ZNF420: variants seen among roughly 807,000 people sequenced by gnomAD.
The protein encoded by ZNF420 is zinc finger protein 420.
A neutral mutation model predicts 44.7 loss-of-function variants in ZNF420; 31 were observed. That is an observed-to-expected ratio of 0.69 (90% confidence interval 0.52 to 0.94). The LOEUF (loss-of-function observed/expected upper bound fraction) is 0.94, where lower values mean the gene tolerates loss of function less well. Among genes scored for constraint, ZNF420 ranks in the 40% least tolerant of loss-of-function variants. The pLI, the probability that ZNF420 is intolerant of heterozygous loss-of-function variation, is 0.00. For missense variants in ZNF420, 681 were observed against 827.9 expected, an observed-to-expected ratio of 0.82 and a Z score of 2.18; for synonymous variants, 245 against 267.4, an observed-to-expected ratio of 0.92 and a Z score of 0.82.
chr19:37,112,422 G>A (rs1970429575), intron 4 of ZNF420, among the ~76,000 whole-genome samples: 2 of 152,134 alleles, frequency 1.3e-5, no homozygotes, highest in African/African-American at 4.8e-5. Context: ...CCTAAGCAAT[G>A]TAAAATCTCA....
At chr19:37,063,714 A>G (rs575061886) in intron 1 of ZNF420, among the ~76,000 whole-genome samples, 12 of 152,200 alleles carry the variant, frequency 7.9e-5, no homozygotes, top group African/African-American at 2.9e-4. Context: ...ATCCCACAAC[A>G]TCCCTCAAAA....
chr19:37,028,950 A>AG (rs397756968), intron 1 of ZNF420, among the ~76,000 whole-genome samples: 2 of 151,402 alleles, frequency 1.3e-5, no homozygotes, highest in African/African-American at 4.9e-5. Flanking sequence ...TTTTGTTCAA[A>AG]TCATCGACTG....
chr19:37,024,647 A>C (rs1967117654), intron 1 of ZNF420, among the ~76,000 whole-genome samples: 1 of 152,048 alleles, frequency 6.6e-6, no homozygotes, highest in Non-Finnish European at 1.5e-5. Context: ...ACGGGGTTTC[A>C]CTATGTTGGC....
At chr19:37,101,766 G>T (rs989918861) in intron 4 of ZNF420, among the ~76,000 whole-genome samples, 1 of 152,206 alleles carries the variant, frequency 6.6e-6, no homozygotes, top group African/African-American at 2.4e-5. Context: ...GTCCAGACAG[G>T]GACCTGAGCC....
chr19:37,084,555 A>G (rs1257445999), intron 2 of ZNF420, among the ~76,000 whole-genome samples: 1 of 152,162 alleles, frequency 6.6e-6, no homozygotes, highest in African/African-American at 2.4e-5. Flanking sequence ...TGTAGAACAG[A>G]CTGCTGTCTC....
chr19:37,038,615 A>G (rs367938276), intron 1 of ZNF420, among the ~76,000 whole-genome samples: 24 of 152,288 alleles, frequency 1.6e-4, no homozygotes, highest in Middle Eastern at 3.4e-3. Flanking sequence ...TCAAGAAACC[A>G]CTTCTTTGCT....
At chr19:37,116,898 G>T (rs1970723230) in intron 4 of ZNF420, among the ~76,000 whole-genome samples, 1 of 152,184 alleles carries the variant, frequency 6.6e-6, no homozygotes, top group Admixed American at 6.5e-5. Flanking sequence ...CAGCAGCGAG[G>T]CTGGGGGAGG....
At chr19:37,094,430 T>C (rs919246713) in intron 4 of ZNF420, among the ~76,000 whole-genome samples, 19 of 152,212 alleles carry the variant, frequency 1.2e-4, no homozygotes, top group Non-Finnish European at 2.4e-4. Context: ...TTATCATGTG[T>C]ACCTAATTCC....
rs58252981 is a variant in ZNF420, at chr19:37,033,431, C to G, written c.-125+25349C>G. ...TTGGTTTCTATGAATATGACATGCT[C>G]GATACCTCATATAAGTGGAATCATG... On this transcript the variant is annotated intron_variant, in intron 1 of 4. Coordinates refer to the ZNF420 transcript ENST00000587029. Among the ~76,000 whole-genome samples the G allele has an allele frequency of 2.6e-3, 402 of 152,266 alleles. 1 individual carries two copies. Among genetic ancestry groups the G allele is most frequent in the African/African-American group, 9.1e-3 (379 of 41,552 alleles).
chr19:37,056,088 G>GTC (rs373594908), intron 1 of ZNF420, among the ~76,000 whole-genome samples: 2,698 of 149,552 alleles, frequency 0.018, 38 homozygotes, highest in African/African-American at 0.037. Context: ...CTCACTCTCT[G>GTC]TCTCTCTCTC....
chr19:37,090,271 T>TAGTCGGGTG (rs1969055450), intron 3 of ZNF420, among the ~76,000 whole-genome samples: 3 of 152,044 alleles, frequency 2.0e-5, no homozygotes, highest in Middle Eastern at 3.5e-3. Flanking sequence ...TTGGGAGGCC[T>TAGTCGGGTG]AAGCCTTAAG....
chr19:37,055,805 G>A (rs1013660454), intron 1 of ZNF420, among the ~76,000 whole-genome samples: 1 of 152,214 alleles, frequency 6.6e-6, no homozygotes, highest in East Asian at 1.9e-4. Flanking sequence ...CAAACAGGAT[G>A]AAGAAACAGC....
intron 4 of ZNF420, among the ~76,000 whole-genome samples, chr19:37,112,861 ACAGTCCC>A (rs1333444203): frequency 1.3e-5 from 2 of 152,208 alleles, no homozygotes; most frequent in African/African-American, 4.8e-5. Flanking sequence ...GATTAGTCCT[ACAGTCCC>A]CTCAGGCCGT....
intron 4 of ZNF420, among the ~76,000 whole-genome samples, chr19:37,108,109 A>G (rs1227084951): frequency 6.6e-6 from 1 of 152,190 alleles, no homozygotes; most frequent in Non-Finnish European, 1.5e-5. Context: ...CCAGATTGTG[A>G]ATTCCACCAT....
chr19:37,030,200 C>T (rs551514469), intron 1 of ZNF420, among the ~76,000 whole-genome samples: 4 of 152,242 alleles, frequency 2.6e-5, no homozygotes, highest in Admixed American at 6.5e-5. Flanking sequence ...CTCGCTCTGT[C>T]GCCCAGGCTG....
At chr19:37,102,340 C>G (rs918379834) in intron 4 of ZNF420, among the ~76,000 whole-genome samples, 3 of 152,176 alleles carry the variant, frequency 2.0e-5, no homozygotes, top group Admixed American at 6.5e-5. Context: ...TACTCTGGAT[C>G]CTTGTATGAG....
intron 4 of ZNF420, among the ~76,000 whole-genome samples, chr19:37,118,996 C>A (rs1219131342): frequency 2.0e-5 from 3 of 152,160 alleles, no homozygotes; most frequent in African/African-American, 4.8e-5. Flanking sequence ...TACAAAGAGA[C>A]TTAGACTCCC....
At chr19:37,011,389 T>A (rs1372059110) in intron 1 of ZNF420, among the ~76,000 whole-genome samples, 2 of 152,146 alleles carry the variant, frequency 1.3e-5, no homozygotes, top group East Asian at 1.9e-4. Context: ...CGTTTCCTCT[T>A]CACTTCATGT....
At chr19:37,077,886 T>TAG (rs1461298482), upstream of ZNF420, among the ~76,000 whole-genome samples, 1 of 152,100 alleles carries the variant, frequency 6.6e-6, no homozygotes, top group African/African-American at 2.4e-5. Context: ...CTACGCAGCT[T>TAG]AAAGTACAAA....
Sources: gnomAD v4.1 joint callset for allele counts (sites outside exome capture counted in the v4.1 genomes callset) on GRCh38, gnomAD v4.1.1 for gene constraint, MANE v1.5 for transcripts, NCBI Gene and HGNC (gene_info 2026-07-23, HGNC 2026-07-21) for gene names.